IPMK: variants seen among roughly 807,000 people sequenced by gnomAD.
IPMK encodes the protein inositol polyphosphate multikinase, also known as inositol 1,3,4,6-tetrakisphosphate 5-kinase.
A neutral mutation model predicts 45.8 loss-of-function variants in IPMK; 17 were observed. That is an observed-to-expected ratio of 0.37 (90% CI 0.25 to 0.56). The LOEUF is 0.56. Among genes scored for constraint, IPMK ranks in the 20% least tolerant of loss-of-function variants. The pLI is 0.79. For missense variants in IPMK, 399 were observed against 498.0 expected (o/e 0.80, Z 1.89); for synonymous variants, 180 against 184.3 (o/e 0.98, Z 0.19).
rs1011037111 is a variant in IPMK at position 58,195,473 on chromosome 10, G to A, written c.*603C>T. 6.6e-6 allele frequency: 1 copy of A among 152,048 alleles called. No homozygotes were observed. Among genetic ancestry groups the A allele is most frequent in the African/African-American group, 2.4e-5 (1 of 41,404 alleles). 9.4% of individuals were successfully genotyped at this position (152,048 alleles called of 1,614,324 possible). On this transcript the variant is annotated 3_prime_UTR_variant, in exon 6 of 6. Transcript: ENST00000373935. The stretch of plus-strand genomic sequence containing the variant: ...TTTCATGAAGTATAATATTTTGAGA[G>A]AGAGATGTAAAAATTAAAGAGAAAA...
At chr10:58,261,986 C>T (rs548293937) in intron 1 of IPMK, among the ~76,000 whole-genome samples, 16 of 152,136 alleles carry the variant, frequency 1.1e-4, no homozygotes, top group African/African-American at 3.9e-4. Context: ...AACAAACTAT[C>T]GCAAGGACAG....
chr10:58,209,167 G>C (rs1838119504), intron 4 of IPMK, among the ~76,000 whole-genome samples: 1 of 152,140 alleles, frequency 6.6e-6, no homozygotes, highest in Non-Finnish European at 1.5e-5. Flanking sequence ...ACTTACCCTG[G>C]ATTATTCCAG....
intron 4 of IPMK, among the ~76,000 whole-genome samples, chr10:58,209,476 G>A (rs942013514): frequency 5.9e-5 from 9 of 152,182 alleles, no homozygotes; most frequent in African/African-American, 1.7e-4. Context: ...TTCCCCTGGC[G>A]ATGGGGCTTC....
At chr10:58,202,139 C>A (rs1278486317) in intron 4 of IPMK, among the ~76,000 whole-genome samples, 1 of 152,196 alleles carries the variant, frequency 6.6e-6, no homozygotes, top group African/African-American at 2.4e-5. Flanking sequence ...GTAGAAGCTA[C>A]AGCAACTTAT....
Position 58,237,732 on chromosome 10 carries a change from A to T in IPMK, c.273T>A (p.Asn91Lys), listed in dbSNP as rs757937898. The T allele has an allele frequency of 9.9e-6, 16 of 1,608,632 alleles. No individual in the cohort carries two copies. Among genetic ancestry groups the T allele is most frequent in the Non-Finnish European group, 1.3e-5 (15 of 1,175,878 alleles). Residue 91 changes from asparagine (N) to lysine (K), a missense_variant, in exon 2 of 6, where the codon AAT (asparagine) becomes AAA (lysine). Physicochemically the swap from Asn to Lys is moderately conservative, Grantham distance 94 (BLOSUM62 0). Around this residue, in one of 2 missense-constraint regions of IPMK, gnomAD observed 288 missense variants for 398.0 expected, o/e 0.72. Transcript: ENST00000373935. ...AAACAAATCTTACCTCACTTACCAT[A>T]TTATAGAATTCCAGCTCTCTTGGGC... The part of the protein sequence containing the change: ...PRGPRELEFY[N>K]MVYAADCFDG...
chr10:58,210,179 T>C (rs558709705), intron 4 of IPMK, among the ~76,000 whole-genome samples: 20 of 152,222 alleles, frequency 1.3e-4, no homozygotes, highest in African/African-American at 4.8e-4. Context: ...CTGTCTGTGC[T>C]GTGCTGTATA....
rs1035701513 is a variant in IPMK at position 58,196,833 on chromosome 10, C to A, written c.629-135G>T. ...TAAGTGAACAGTTAATCCTAGAATT[C>A]TAAGAATTCTAGTCAGATATAGAAG... On this transcript the variant is annotated intron_variant, in intron 5 of 5. Coordinates refer to ENST00000373935, the MANE Select transcript of IPMK (RefSeq NM_152230.5). The A allele has an allele frequency of 1.7e-5, 11 of 653,770 alleles. No individual in the cohort carries two copies. In the African/African-American group the frequency reaches 1.9e-4, roughly 11 times the overall value. 40.5% of individuals were successfully genotyped at this position (653,770 alleles called of 1,614,324 possible). A position where few individuals can be genotyped will look rare whatever the true frequency, so the allele number is the denominator to read the frequency against.
chr10:58,241,707 GGCAGACA>G (rs1461330079), intron 1 of IPMK, among the ~76,000 whole-genome samples: 3 of 152,018 alleles, frequency 2.0e-5, no homozygotes, highest in African/African-American at 7.2e-5. Context: ...GTTCTCACAT[GGCAGACA>G]GCTAACTCTC....
Position 58,192,183 on chromosome 10 carries a change from T to A in IPMK, c.*3893A>T, listed in dbSNP as rs1837827429. ...ATGCATTTTCAAAGTAATAATATAA[T>A]CAATCTGTAAGTCAAAAGTAATTTC... On this transcript the variant is annotated 3_prime_UTR_variant, in exon 6 of 6. Transcript: ENST00000373935. The A allele has an allele frequency of 6.6e-6, 1 of 151,996 alleles. No homozygotes were observed. The highest frequency in any genetic ancestry group is 1.9e-4 in the East Asian group (1 of 5,188). The allele number at this position is 151,996 out of a possible 1,614,324, so 9.4% of individuals were successfully genotyped here. A position where few individuals can be genotyped will look rare whatever the true frequency, so the allele number is the denominator to read the frequency against.
At chr10:58,217,506 T>C (rs1838262297) in intron 3 of IPMK, among the ~76,000 whole-genome samples, 1 of 151,354 alleles carries the variant, frequency 6.6e-6, no homozygotes, top group Admixed American at 6.6e-5. Context: ...CTGACCAACA[T>C]GGAGAAACCC....
chr10:58,256,045 C>T (rs928166600), intron 1 of IPMK, among the ~76,000 whole-genome samples: 5 of 152,136 alleles, frequency 3.3e-5, no homozygotes, highest in East Asian at 1.9e-4. Context: ...CCCTGGATTG[C>T]GTTATCTGCA....
At chr10:58,253,929 G>C (rs1030831622) in intron 1 of IPMK, among the ~76,000 whole-genome samples, 15 of 152,092 alleles carry the variant, frequency 9.9e-5, no homozygotes, top group African/African-American at 3.6e-4. Context: ...CATTGACTGA[G>C]ATATGTTTCC....
chr10:58,226,933 T>C lies in IPMK; in HGVS notation c.373+110A>G, dbSNP rs1046122706. ...AAGATTAGAAAGCAAAACATATATATTTTGTGTTTTTATAATACATACTCA... is the reference window on the plus strand; with the variant it reads ...AAGATTAGAAAGCAAAACATATATACTTTGTGTTTTTATAATACATACTCA... On this transcript the variant is annotated intron_variant, in intron 3 of 5. Transcript: ENST00000373935. The C allele has an allele frequency of 4.8e-6, 3 of 625,954 alleles. No individual in the cohort carries two copies. In the Admixed American group the frequency reaches 9.1e-5, roughly 19 times the overall value. 38.8% of individuals were successfully genotyped at this position (625,954 alleles called of 1,614,324 possible). A position where few individuals can be genotyped will look rare whatever the true frequency, so the allele number is the denominator to read the frequency against.
chr10:58,262,923 G>A (rs1839096439), intron 1 of IPMK, among the ~76,000 whole-genome samples: 1 of 129,066 alleles, frequency 7.7e-6, no homozygotes, highest in South Asian at 2.3e-4. Flanking sequence ...GGGAGTGAAA[G>A]AATGGGGGGA....
chr10:58,228,721 G>A (rs1302426423), intron 2 of IPMK, among the ~76,000 whole-genome samples: 1 of 152,164 alleles, frequency 6.6e-6, no homozygotes, highest in East Asian at 1.9e-4. Flanking sequence ...TTTTAGTAGA[G>A]ACGAGGTTTC....
chr10:58,192,815 G>T lies in IPMK; in HGVS notation c.*3261C>A, dbSNP rs369783368. 14 of 152,072 alleles carry T rather than the reference G, an allele frequency of 9.2e-5. No homozygotes were observed. Among genetic ancestry groups the T allele is most frequent in the African/African-American group, 3.1e-4 (13 of 41,518 alleles). 9.4% of individuals were successfully genotyped at this position (152,072 alleles called of 1,614,324 possible). ...AATCAGATTGACAATTATTAAAAAGGAATCGATGTTTCCTAGGCTATGAAA... is the reference window on the plus strand; with the variant it reads ...AATCAGATTGACAATTATTAAAAAGTAATCGATGTTTCCTAGGCTATGAAA... On this transcript the variant is annotated 3_prime_UTR_variant, in exon 6 of 6. Coordinates refer to ENST00000373935, the MANE Select transcript of IPMK (RefSeq NM_152230.5).
chr10:58,246,101 G>A (rs571704403), intron 1 of IPMK, among the ~76,000 whole-genome samples: 1 of 131,008 alleles, frequency 7.6e-6, no homozygotes, highest in Admixed American at 7.0e-5. Context: ...TACAAGGGAT[G>A]TGAAGGACCT....
At chr10:58,242,974 A>G (rs1207710447) in intron 1 of IPMK, among the ~76,000 whole-genome samples, 1 of 152,062 alleles carries the variant, frequency 6.6e-6, no homozygotes, top group African/African-American at 2.4e-5. Flanking sequence ...CGTGTAAAGA[A>G]GGTGCTTGCC....
chr10:58,196,961 T>A (rs1837904366), intron 5 of IPMK, among the ~76,000 whole-genome samples: 1 of 152,186 alleles, frequency 6.6e-6, no homozygotes, highest in African/African-American at 2.4e-5. Flanking sequence ...GGAAATTTAT[T>A]ACAGGTAGAC....
Sources: gnomAD v4.1 joint callset for allele counts (sites outside exome capture counted in the v4.1 genomes callset) on GRCh38, gnomAD v4.1.1 for gene constraint, gnomAD v4.1.1 regional missense constraint, MANE v1.5 for transcripts, NCBI Gene and HGNC (gene_info 2026-07-23, HGNC 2026-07-21) for gene names.